ASIC2: variants seen among roughly 807,000 people sequenced by gnomAD.
ASIC2 encodes acid-sensing ion channel 2.
A neutral mutation model predicts 57.3 loss-of-function variants in ASIC2; 25 were observed. The ratio of observed to expected loss-of-function variants is 0.44; its 90% CI spans 0.32 to 0.61. The LOEUF is 0.61. ASIC2 is among the 20% of genes least tolerant of loss of function. ASIC2 has a pLI of 0.06. For missense variants in ASIC2, 641 were observed against 738.1 expected (o/e 0.87, Z 1.52); for synonymous variants, 319 against 307.5 (o/e 1.04, Z -0.39).
rs77633872 is a variant in ASIC2 at position 33,776,786 on chromosome 17, C to T, written c.555+379192G>A. 7.3e-3 allele frequency among the ~76,000 whole-genome samples: 1,105 copies of T among 152,308 alleles called. 22 individuals carry two copies. The highest frequency in any genetic ancestry group is 0.025 in the African/African-American group (1,041 of 41,546). ...TTAGGCAGAGCACCTAGCTGGGCTT[C>T]GGGCTTCGTGATAGAATTTGAGTTT... On this transcript the variant is annotated intron_variant, in intron 1 of 9. Coordinates refer to the ASIC2 transcript ENST00000359872.
At chr17:33,127,869 A>G (rs2092330063) in intron 1 of ASIC2, among the ~76,000 whole-genome samples, 1 of 152,182 alleles carries the variant, frequency 6.6e-6, no homozygotes, top group South Asian at 2.1e-4. Flanking sequence ...GCAAGGCTGC[A>G]AACTTCTTGG....
intron 7 of ASIC2, among the ~76,000 whole-genome samples, chr17:33,020,272 C>G (rs1370452866): frequency 2.0e-5 from 3 of 152,116 alleles, no homozygotes; most frequent in Non-Finnish European, 2.9e-5. Context: ...TTAACCATCA[C>G]AACAAGCTCA....
intron 1 of ASIC2, among the ~76,000 whole-genome samples, chr17:33,471,322 T>C (rs564533762): frequency 1.3e-5 from 2 of 152,274 alleles, no homozygotes; most frequent in South Asian, 2.1e-4. Context: ...GTCATTTGAA[T>C]GGGTTAGCTG....
At chr17:33,894,159 T>G (rs1245446665) in intron 1 of ASIC2, among the ~76,000 whole-genome samples, 1 of 152,150 alleles carries the variant, frequency 6.6e-6, no homozygotes, top group Non-Finnish European at 1.5e-5. Flanking sequence ...TGAACCCCCT[T>G]AGGGGGTGGA....
At position 33,941,662 on chromosome 17, in the gene ASIC2, C is replaced by T. The variant is rs560833063; in HGVS notation, c.555+214316G>A. 2.0e-5 allele frequency among the ~76,000 whole-genome samples: 3 copies of T among 152,282 alleles called. No individual in the cohort carries two copies. The South Asian group carries it at 6.2e-4, about 32-fold the overall frequency. Reference sequence around the variant, plus strand: ...GCAGTGGTCCAGAGAGAGGCCAGCCCACAGAGCAGTGGCTATTTCTATCTA... The same window carrying T: ...GCAGTGGTCCAGAGAGAGGCCAGCCTACAGAGCAGTGGCTATTTCTATCTA... On this transcript the variant is annotated intron_variant, in intron 1 of 9. Coordinates refer to the ASIC2 transcript ENST00000359872.
chr17:33,670,477 C>T (rs1907607457), intron 1 of ASIC2, among the ~76,000 whole-genome samples: 1 of 152,168 alleles, frequency 6.6e-6, no homozygotes, highest in Non-Finnish European at 1.5e-5. Context: ...AACAAACAAA[C>T]AAAAATGAAA....
chr17:33,498,837 G>A (rs1056596713), intron 1 of ASIC2, among the ~76,000 whole-genome samples: 1 of 152,198 alleles, frequency 6.6e-6, no homozygotes, highest in African/African-American at 2.4e-5. Context: ...CAGAGAAGGT[G>A]CCGTTGGACA....
chr17:33,234,015 T>C (rs928531086), intron 1 of ASIC2, among the ~76,000 whole-genome samples: 2 of 152,144 alleles, frequency 1.3e-5, no homozygotes, highest in East Asian at 3.9e-4. Flanking sequence ...TGCAGGGAGA[T>C]AAAACCTGTC....
At chr17:33,779,163 T>C (rs539850436) in intron 1 of ASIC2, among the ~76,000 whole-genome samples, 2 of 152,260 alleles carry the variant, frequency 1.3e-5, no homozygotes, top group South Asian at 4.1e-4. Context: ...TAAGTAACTA[T>C]TGGCAGTCAT....
At chr17:34,007,930 C>T (rs1299726725) in intron 1 of ASIC2, among the ~76,000 whole-genome samples, 1 of 152,102 alleles carries the variant, frequency 6.6e-6, no homozygotes, top group East Asian at 1.9e-4. Context: ...GGAAGGCTCC[C>T]CCACCCCCTC....
chr17:34,028,700 A>G (rs1907470355), intron 1 of ASIC2, among the ~76,000 whole-genome samples: 1 of 152,230 alleles, frequency 6.6e-6, no homozygotes, highest in African/African-American at 2.4e-5. Flanking sequence ...TGACTCCCAC[A>G]GGTGTTCCTG....
intron 1 of ASIC2, among the ~76,000 whole-genome samples, chr17:33,284,877 A>T (rs1450057409): frequency 6.6e-6 from 1 of 152,170 alleles, no homozygotes; most frequent in African/African-American, 2.4e-5. Context: ...CTCCCTGTAT[A>T]TCAGGAAGCT....
At chr17:33,704,588 T>G (rs142352534) in intron 1 of ASIC2, among the ~76,000 whole-genome samples, 1 of 152,360 alleles carries the variant, frequency 6.6e-6, no homozygotes, top group East Asian at 1.9e-4. Flanking sequence ...GTGTCTCTTA[T>G]TTAAATTCTT....
intron 1 of ASIC2, among the ~76,000 whole-genome samples, chr17:33,869,701 G>T (rs1310724200): frequency 6.6e-6 from 1 of 152,198 alleles, no homozygotes; most frequent in East Asian, 1.9e-4. Context: ...AATCTGTAGA[G>T]GCCAATGGAA....
chr17:33,975,496 A>G (rs1479595549), intron 1 of ASIC2, among the ~76,000 whole-genome samples: 3 of 152,118 alleles, frequency 2.0e-5, no homozygotes, highest in African/African-American at 7.3e-5. Context: ...CATGAACAGA[A>G]AAGAAAAAAA....
chr17:34,035,403 A>T (rs2142040876), intron 1 of ASIC2, among the ~76,000 whole-genome samples: 1 of 147,286 alleles, frequency 6.8e-6, no homozygotes, highest in South Asian at 2.2e-4. Flanking sequence ...AAAGACTTAA[A>T]CGTTAGACCT....
chr17:33,673,171 C>T (rs542131140), intron 1 of ASIC2, among the ~76,000 whole-genome samples: 3 of 151,942 alleles, frequency 2.0e-5, no homozygotes, highest in African/African-American at 4.8e-5. Flanking sequence ...GTGCAGGAGG[C>T]GGTGAAGGTT....
intron 1 of ASIC2, among the ~76,000 whole-genome samples, chr17:33,822,600 G>A (rs1328387561): frequency 6.6e-6 from 1 of 152,184 alleles, no homozygotes; most frequent in Non-Finnish European, 1.5e-5. Context: ...GAAGAGAGGA[G>A]ATGAGATAAA....
At chr17:33,153,555 A>G (rs1380238434) in intron 1 of ASIC2, among the ~76,000 whole-genome samples, 1 of 152,200 alleles carries the variant, frequency 6.6e-6, no homozygotes, top group Admixed American at 6.5e-5. Flanking sequence ...TCTTGGGTGC[A>G]GTAATGGTGG....
Sources: allele counts gnomAD v4.1 joint callset (sites outside exome capture counted in the v4.1 genomes callset), GRCh38; gene constraint gnomAD v4.1.1; transcripts MANE v1.5; gene names NCBI Gene and HGNC (gene_info 2026-07-23, HGNC 2026-07-21).